Variants in OCLN observed in about 807,000 individuals in gnomAD.
OCLN encodes the protein occludin.
Under a neutral mutation model 47.9 loss-of-function variants are expected in OCLN, and 21 were observed. That is an observed-to-expected ratio of 0.44 (90% CI 0.31 to 0.63). The LOEUF is 0.63. OCLN is among the 30% of genes least tolerant of loss of function. OCLN has a pLI of 0.08. For missense variants in OCLN, 360 were observed against 571.0 expected (o/e 0.63, Z 3.77); for synonymous variants, 117 against 198.4 (o/e 0.59, Z 3.45).
chr5:69,502,130 C>T (rs1250552490), intron 1 of OCLN, among the ~76,000 whole-genome samples: 6 of 149,990 alleles, frequency 4.0e-5, no homozygotes, highest in South Asian at 4.2e-4. Context: ...AGCCGGGAGG[C>T]GGAGATTGCA....
chr5:69,549,526 C>A (rs1209290432), intron 7 of OCLN, among the ~76,000 whole-genome samples: 1 of 144,442 alleles, frequency 6.9e-6, no homozygotes, highest in African/African-American at 2.5e-5. Flanking sequence ...CCATGTTTCA[C>A]TTATTTTCTT....
chr5:69,501,504 C>T (rs1768458223), intron 1 of OCLN, among the ~76,000 whole-genome samples: 1 of 152,024 alleles, frequency 6.6e-6, no homozygotes, highest in Admixed American at 6.6e-5. Flanking sequence ...GTGGCATGTG[C>T]CTGTAGTCCA....
chr5:69,493,506 C>A lies in OCLN; in HGVS notation c.-69+606C>A, dbSNP rs951414365. On this transcript the variant is annotated intron_variant, in intron 1 of 8. Coordinates refer to ENST00000396442, the MANE Select transcript of OCLN (RefSeq NM_001205254.2). The surrounding 1 kb of genome is among the most constrained non-coding windows in gnomAD (Gnocchi z 5.3). ...CTGGCTACTTCGAATCCACTTGTTG[C>A]GAGTTGTGTGAACCCGCGTCGATTT... Among the ~76,000 whole-genome samples, 1 of 152,094 alleles carries A rather than the reference C, an allele frequency of 6.6e-6. No individual in the cohort carries two copies. The highest frequency in any genetic ancestry group is 2.4e-5 in the African/African-American group (1 of 41,402).
intron 5 of OCLN, among the ~76,000 whole-genome samples, chr5:69,537,189 C>T (rs1305048394): frequency 5.0e-5 from 4 of 80,554 alleles, no homozygotes; most frequent in Non-Finnish European, 7.3e-5. Flanking sequence ...ATTCTATAAG[C>T]TTTTTTTTTT....
In OCLN at chr5:69,522,013, G is replaced by T. The variant is rs570001259; in HGVS notation, c.891+7904G>T. Among the ~76,000 whole-genome samples the T allele has an allele frequency of 2.0e-5, 3 of 152,048 alleles. No individual in the cohort carries two copies. In the East Asian group the frequency reaches 5.8e-4, roughly 29 times the overall value. ...CTTTGTCTACAGTGTTTTTTTGTTT[G>T]TTTTAAGAGAGAGGGTCTCACTATG... On this transcript the variant is annotated intron_variant, in intron 4 of 8. Coordinates refer to ENST00000396442, the MANE Select transcript of OCLN (RefSeq NM_001205254.2).
intron 2 of OCLN, among the ~76,000 whole-genome samples, chr5:69,507,929 T>A (rs1169703866): frequency 6.6e-6 from 1 of 152,252 alleles, no homozygotes; most frequent in African/African-American, 2.4e-5. Context: ...AATTTTAATA[T>A]ATTTCACTTA....
In OCLN at chr5:69,536,439, G is replaced by A. The variant is rs201692260; in HGVS notation, c.1037+1600G>A. Among the ~76,000 whole-genome samples the A allele has an allele frequency of 8.1e-3, 1,094 of 135,244 alleles. 39 individuals are homozygous for A. The highest frequency in any genetic ancestry group is 0.078 in the East Asian group (362 of 4,630). 88.7% of individuals were successfully genotyped at this position (135,244 alleles called of 152,430 possible). On this transcript the variant is annotated intron_variant, in intron 5 of 8. Coordinates refer to ENST00000396442, the MANE Select transcript of OCLN (RefSeq NM_001205254.2). ...TAATCCCCACACTTTGGGAGGCCCAGGTGGACGGATCACCTGAGGTCAGGA... is the reference window on the plus strand; with the variant it reads ...TAATCCCCACACTTTGGGAGGCCCAAGTGGACGGATCACCTGAGGTCAGGA...
chr5:69,498,513 T>A (rs1419146971), intron 1 of OCLN, among the ~76,000 whole-genome samples: 1 of 151,734 alleles, frequency 6.6e-6, no homozygotes, highest in African/African-American at 2.4e-5. Flanking sequence ...AAAAAATCAG[T>A]TTACATTTTA....
chr5:69,506,360 G>A (rs565473540), intron 2 of OCLN, among the ~76,000 whole-genome samples: 1 of 152,208 alleles, frequency 6.6e-6, no homozygotes, highest in Admixed American at 6.5e-5. Context: ...TGGACAGGGC[G>A]AGGTATGTGG....
chr5:69,498,567 C>T (rs541013395), intron 1 of OCLN, among the ~76,000 whole-genome samples: 151 of 152,108 alleles, frequency 9.9e-4, no homozygotes, highest in African/African-American at 3.6e-3. Context: ...CCTTCAGTAT[C>T]TGTGAGAGGT....
intron 1 of OCLN, among the ~76,000 whole-genome samples, chr5:69,498,492 C>G (rs189285914): frequency 6.0e-4 from 90 of 149,508 alleles, no homozygotes; most frequent in African/African-American, 2.2e-3. Flanking sequence ...AGACTCCTGT[C>G]TCAAAAAAAA....
At position 69,509,638 on chromosome 5, in the gene OCLN, G is replaced by A. The variant is rs1561335382; in HGVS notation, c.548G>A (p.Gly183Asp). 1.2e-6 allele frequency: 2 copies of A among 1,614,180 alleles called. No homozygotes were observed. The highest frequency in any genetic ancestry group is 1.7e-6 in the Non-Finnish European group (2 of 1,180,006). ...GTGATAATAGTGAGTGCTATCCTGG[G>A]CATCATGGTGTTTATTGCCACAATT... The part of the protein sequence containing the change: ...LSVIIVSAIL[G>D]IMVFIATIVY... Residue 183 changes from glycine to aspartate, a missense_variant, in exon 3 of 9, where the codon GGC (glycine) becomes GAC (aspartate). Physicochemically the swap from Gly to Asp is moderately conservative, Grantham distance 94. This residue lies in a region of OCLN where 314 missense variants were observed against 368.1 expected (regional missense o/e 0.85). Coordinates refer to ENST00000396442, the MANE Select transcript of OCLN (RefSeq NM_001205254.2).
chr5:69,529,324 T>G (rs907394318), intron 4 of OCLN, among the ~76,000 whole-genome samples: 12 of 152,232 alleles, frequency 7.9e-5, no homozygotes, highest in African/African-American at 2.9e-4. Context: ...AGATGTTGTT[T>G]GTCACAAAGA....
intron 1 of OCLN, among the ~76,000 whole-genome samples, chr5:69,500,004 C>T (rs752493786): frequency 6.6e-6 from 1 of 152,186 alleles, no homozygotes; most frequent in Non-Finnish European, 1.5e-5. Context: ...CTGTTAAAAC[C>T]ACTAGGTTGT....
chr5:69,519,369 C>G (rs1173203598), intron 4 of OCLN, among the ~76,000 whole-genome samples: 1 of 152,084 alleles, frequency 6.6e-6, no homozygotes, highest in Non-Finnish European at 1.5e-5. Context: ...AGTTTTATCC[C>G]TTTTGTATAA....
intron 4 of OCLN, among the ~76,000 whole-genome samples, chr5:69,517,790 T>G (rs1295207201): frequency 1.3e-5 from 2 of 151,388 alleles, no homozygotes; most frequent in African/African-American, 4.9e-5. Context: ...TGAAGCCCTG[T>G]TTTTTTTTTC....
intron 1 of OCLN, among the ~76,000 whole-genome samples, chr5:69,502,179 C>T (rs911615020): frequency 3.5e-5 from 5 of 142,950 alleles, no homozygotes; most frequent in African/African-American, 1.3e-4. Context: ...ATCCTGGTGA[C>T]AGAGCGAGAC....
chr5:69,504,047 C>T, intron 1 of OCLN, 130 bp from the exon 2 acceptor site: 2 of 619,034 alleles, frequency 3.2e-6, no homozygotes, highest in Non-Finnish European at 5.9e-6. Flanking sequence ...CTGCAGTGAG[C>T]TGTGATTGGA....
intron 5 of OCLN, among the ~76,000 whole-genome samples, chr5:69,535,720 C>T (rs545764277): frequency 0.013 from 1,812 of 142,398 alleles, 10 homozygotes; most frequent in African/African-American, 0.044. Flanking sequence ...CTTGCTTTTA[C>T]GCTACAAATG....
Sources: allele counts gnomAD v4.1 joint callset (sites outside exome capture counted in the v4.1 genomes callset), GRCh38; gene constraint gnomAD v4.1.1; regional missense constraint gnomAD v4.1.1; non-coding constraint Gnocchi (gnomAD v3.1); transcripts MANE v1.5; gene names NCBI Gene and HGNC (gene_info 2026-07-23, HGNC 2026-07-21).